The following TRAPPC8 variants were observed in gnomAD, a reference collection of about 807,000 sequenced individuals.
TRAPPC8 encodes general sporulation gene 1 homolog.
Under a neutral mutation model 174.3 loss-of-function variants are expected in TRAPPC8, and 54 were observed. The observed-to-expected ratio is 0.31, with a 90% CI of 0.25 to 0.39. The LOEUF is 0.39. Ranked by LOEUF, TRAPPC8 falls within the 10% of genes least tolerant of loss-of-function variation. The pLI, the probability that TRAPPC8 is intolerant of heterozygous loss-of-function variation, is 1.00. For missense variants in TRAPPC8, 1,531 were observed against 1,699.1 expected (o/e 0.90, Z 1.74); for synonymous variants, 630 against 579.9 (o/e 1.09, Z -1.24).
chr18:31,906,928 T>C (rs912945222), intron 9 of TRAPPC8, among the ~76,000 whole-genome samples: 1 of 152,174 alleles, frequency 6.6e-6, no homozygotes, highest in Admixed American at 6.5e-5. Flanking sequence ...CCAAAGTACA[T>C]GTTCTTGATG....
rs530526772 is a variant in TRAPPC8, at chr18:31,935,174, G to A, written c.158-3651C>T. On this transcript the variant is annotated intron_variant, in intron 1 of 28. Coordinates refer to ENST00000283351, the MANE Select transcript of TRAPPC8 (RefSeq NM_014939.5). ...AGCCTGACCAACATAGAGAAACCCC[G>A]TCTCTACTAAAAATACAAAATTAGC... Among the ~76,000 whole-genome samples the A allele has an allele frequency of 7.3e-5, 11 of 150,924 alleles. No homozygotes were observed. In the South Asian group the frequency reaches 1.3e-3, roughly 17 times the overall value.
intron 27 of TRAPPC8, among the ~76,000 whole-genome samples, chr18:31,832,824 CAT>C (rs2032454987): frequency 6.6e-6 from 1 of 152,032 alleles, no homozygotes; most frequent in South Asian, 2.1e-4. Flanking sequence ...ATGAATATAA[CAT>C]GTACAAATGA....
chr18:31,853,346 C>T (rs559488480), intron 22 of TRAPPC8, among the ~76,000 whole-genome samples: 27 of 152,336 alleles, frequency 1.8e-4, no homozygotes, highest in African/African-American at 4.8e-4. Flanking sequence ...TAGCTCACTG[C>T]ACCCTCTGCC....
chr18:31,861,202 T>G (rs1232890794), intron 19 of TRAPPC8, among the ~76,000 whole-genome samples: 1 of 152,246 alleles, frequency 6.6e-6, no homozygotes, highest in Non-Finnish European at 1.5e-5. Flanking sequence ...ATGGATCTAC[T>G]GATTTTTTTG....
intron 3 of TRAPPC8, 45 bp from the exon 4 acceptor site, chr18:31,916,491 GATAA>G: frequency 6.6e-7 from 1 of 1,524,656 alleles, no homozygotes; most frequent in Non-Finnish European, 8.8e-7. Context: ...ATTACTCAAT[GATAA>G]ATATTGTCCT....
At chr18:31,836,940 T>A (rs1008174635) in intron 27 of TRAPPC8, among the ~76,000 whole-genome samples, 3 of 151,918 alleles carry the variant, frequency 2.0e-5, no homozygotes, top group Admixed American at 6.5e-5. Flanking sequence ...TTTTTTGTAT[T>A]TTTAGTAGAG....
At chr18:31,902,223 C>G (rs1242847153) in intron 9 of TRAPPC8, among the ~76,000 whole-genome samples, 2 of 152,318 alleles carry the variant, frequency 1.3e-5, no homozygotes, top group East Asian at 3.9e-4. Context: ...CCTAGCTACT[C>G]AGGAGGCTGA....
At chr18:31,907,716 T>A in intron 8 of TRAPPC8, 106 bp from the exon 9 acceptor site, 1 of 960,990 alleles carries the variant, frequency 1.0e-6, no homozygotes, top group South Asian at 3.3e-5. Context: ...TGAAGAAAAC[T>A]AATGCTGTTT....
intron 16 of TRAPPC8, 49 bp from the exon 17 acceptor site, chr18:31,867,525 GATT>G (rs1199473688): frequency 3.3e-5 from 41 of 1,235,958 alleles, no homozygotes; most frequent in Non-Finnish European, 4.3e-5. Context: ...CAAAGTATCA[GATT>G]ATTAACACTC....
In TRAPPC8 at chr18:31,931,876, T is replaced by C. The variant is rs1312957206; in HGVS notation, c.158-353A>G. Among the ~76,000 whole-genome samples the C allele has an allele frequency of 2.6e-5, 4 of 152,286 alleles. No homozygotes were observed. The East Asian group carries it at 7.7e-4, about 29-fold the overall frequency. On this transcript the variant is annotated intron_variant, in intron 1 of 28. Coordinates refer to ENST00000283351, the MANE Select transcript of TRAPPC8 (RefSeq NM_014939.5). ...CTGGTCCAAGGCAGCGTAAGGTCTA[T>C]GGTATTAACACTAGAAACAGTAAAA...
intron 2 of TRAPPC8, among the ~76,000 whole-genome samples, chr18:31,921,965 CAT>C (rs2037409527): frequency 6.6e-6 from 1 of 152,184 alleles, no homozygotes; most frequent in Non-Finnish European, 1.5e-5. Flanking sequence ...AACTATATTA[CAT>C]GAGTGCTTCT....
At chr18:31,878,953 A>G (rs970337917) in intron 12 of TRAPPC8, among the ~76,000 whole-genome samples, 7 of 152,210 alleles carry the variant, frequency 4.6e-5, no homozygotes, top group African/African-American at 1.7e-4. Context: ...TACACACTCA[A>G]TACCAGAGCA....
intron 5 of TRAPPC8, among the ~76,000 whole-genome samples, chr18:31,911,037 T>G (rs889293484): frequency 6.6e-6 from 1 of 152,188 alleles, no homozygotes; most frequent in Middle Eastern, 3.2e-3. Context: ...AATACCATGA[T>G]AGCACTACAT....
At chr18:31,878,136 T>C (rs1435167848) in intron 12 of TRAPPC8, among the ~76,000 whole-genome samples, 4 of 152,100 alleles carry the variant, frequency 2.6e-5, no homozygotes, top group Non-Finnish European at 4.4e-5. Context: ...CAGAGCCTAA[T>C]GGACAAAGTC....
intron 17 of TRAPPC8, among the ~76,000 whole-genome samples, chr18:31,867,200 A>AAC (rs1289133429): frequency 6.6e-5 from 10 of 152,214 alleles, no homozygotes; most frequent in Admixed American, 2.0e-4. Flanking sequence ...AGAAGAAAGC[A>AAC]ACAGGCTTCT....
intron 1 of TRAPPC8, among the ~76,000 whole-genome samples, chr18:31,933,635 G>A (rs2037951132): frequency 6.6e-6 from 1 of 152,046 alleles, no homozygotes; most frequent in South Asian, 2.1e-4. Flanking sequence ...CAAATAAGAG[G>A]CAACTTTGGG....
chr18:31,940,671 G>C (rs1450918521), intron 1 of TRAPPC8, among the ~76,000 whole-genome samples: 3 of 151,746 alleles, frequency 2.0e-5, no homozygotes, highest in African/African-American at 7.3e-5. Context: ...GCTAATTTTT[G>C]TATTTTTAGT....
intron 16 of TRAPPC8, among the ~76,000 whole-genome samples, chr18:31,867,945 C>T (rs115354378): frequency 0.011 from 1,654 of 152,142 alleles, 31 homozygotes; most frequent in African/African-American, 0.038. Flanking sequence ...TACCTAGCTG[C>T]TCATAGTCAA....
intron 12 of TRAPPC8, among the ~76,000 whole-genome samples, chr18:31,879,971 TA>T (rs1218021865): frequency 0.027 from 2,882 of 108,154 alleles, 113 homozygotes; most frequent in African/African-American, 0.096. Context: ...CATCAGTAAT[TA>T]AAAAAAAAAA....
Sources: gnomAD v4.1 joint callset for allele counts (sites outside exome capture counted in the v4.1 genomes callset) on GRCh38, gnomAD v4.1.1 for gene constraint, MANE v1.5 for transcripts, NCBI Gene and HGNC (gene_info 2026-07-23, HGNC 2026-07-21) for gene names.